C10orf143: variants seen among roughly 807,000 people sequenced by gnomAD.
The protein encoded by C10orf143 is uncharacterized protein C10orf143.
At chr10:130,042,665 T>C (rs1281330232) in intron 3 of C10orf143, among the ~76,000 whole-genome samples, 1 of 152,178 alleles carries the variant, frequency 6.6e-6, no homozygotes, top group African/African-American at 2.4e-5. Flanking sequence ...TGGATCCACC[T>C]CTCCGTCCTT....
At chr10:130,081,253 C>G (rs1224443053) in intron 1 of C10orf143, among the ~76,000 whole-genome samples, 1 of 151,678 alleles carries the variant, frequency 6.6e-6, no homozygotes, top group Non-Finnish European at 1.5e-5. Context: ...ATGCTAAAAG[C>G]CACAGTTCAC....
chr10:130,050,761 T>C (rs958360327), intron 3 of C10orf143, among the ~76,000 whole-genome samples: 1 of 152,226 alleles, frequency 6.6e-6, no homozygotes. Context: ...GAGATTGTTT[T>C]GAATATAAAG....
intron 3 of C10orf143, among the ~76,000 whole-genome samples, chr10:130,053,143 C>T (rs191948983): frequency 1.0e-3 from 157 of 152,326 alleles, no homozygotes; most frequent in Non-Finnish European, 1.5e-3. Context: ...TCACTGCAAC[C>T]TCCGACTCCA....
At chr10:130,081,520 C>G (rs935010975) in intron 1 of C10orf143, among the ~76,000 whole-genome samples, 3 of 152,072 alleles carry the variant, frequency 2.0e-5, no homozygotes, top group Non-Finnish European at 4.4e-5. Flanking sequence ...ATAGAGTATA[C>G]ACATTCCTCT....
At chr10:130,047,239 C>T (rs1353051659) in intron 3 of C10orf143, among the ~76,000 whole-genome samples, 1 of 152,168 alleles carries the variant, frequency 6.6e-6, no homozygotes, top group Non-Finnish European at 1.5e-5. Context: ...TGGTGTGGAC[C>T]CCATGGGGTT....
At chr10:130,039,076 G>A (rs1293651332) in intron 3 of C10orf143, among the ~76,000 whole-genome samples, 4 of 152,192 alleles carry the variant, frequency 2.6e-5, no homozygotes, top group African/African-American at 9.6e-5. Context: ...TGGTCCCCCA[G>A]CAGCTGGGAA....
intron 3 of C10orf143, among the ~76,000 whole-genome samples, chr10:130,052,778 C>T (rs1333398433): frequency 6.6e-6 from 1 of 152,228 alleles, no homozygotes; most frequent in African/African-American, 2.4e-5. Flanking sequence ...TCATGGTCCT[C>T]TCAGTACCCT....
chr10:130,081,155 T>C (rs1265491443), intron 1 of C10orf143, among the ~76,000 whole-genome samples: 6 of 151,832 alleles, frequency 4.0e-5, no homozygotes. Flanking sequence ...CAAGGTATAA[T>C]AGAGAAATAA....
chr10:130,044,988 C>T (rs748618492), intron 3 of C10orf143, among the ~76,000 whole-genome samples: 7 of 152,208 alleles, frequency 4.6e-5, no homozygotes, highest in Non-Finnish European at 1.0e-4. Flanking sequence ...TGGCATGTGG[C>T]TGATGCTCCA....
At chr10:130,035,934 C>T (rs1325174) in exon 4 of C10orf143, 107,729 of 152,148 alleles carry the variant, frequency 0.71, 38,432 homozygotes, top group Middle Eastern at 0.83. Flanking sequence ...CCTCCTTTCC[C>T]GGCTTGCCAA....
downstream of C10orf143, among the ~76,000 whole-genome samples, chr10:130,059,936 T>G (rs1860836175): frequency 6.6e-6 from 1 of 152,156 alleles, no homozygotes; most frequent in African/African-American, 2.4e-5. Flanking sequence ...AAATTGTGTG[T>G]TAGGAGTGAC....
intron 3 of C10orf143, among the ~76,000 whole-genome samples, chr10:130,048,489 C>T (rs1302475904): frequency 6.6e-6 from 1 of 152,144 alleles, no homozygotes. Context: ...GCTGGGACAC[C>T]AGGGTCCCTG....
At chr10:130,060,537 T>C (rs1013702068), downstream of C10orf143, among the ~76,000 whole-genome samples, 1 of 152,202 alleles carries the variant, frequency 6.6e-6, no homozygotes, top group Non-Finnish European at 1.5e-5. Flanking sequence ...TTAAAAAGTA[T>C]GTGCAGCCGG....
At chr10:130,105,821 C>A (rs948468998) in intron 1 of C10orf143, among the ~76,000 whole-genome samples, 1 of 152,184 alleles carries the variant, frequency 6.6e-6, no homozygotes, top group Non-Finnish European at 1.5e-5. Context: ...GGGGCTTGCG[C>A]GGGTCCAACA....
At chr10:130,105,402 T>A (rs1291616665) in intron 1 of C10orf143, among the ~76,000 whole-genome samples, 1 of 152,160 alleles carries the variant, frequency 6.6e-6, no homozygotes, top group East Asian at 1.9e-4. Context: ...CTCCTTTGTA[T>A]CATGGGAATA....
intron 1 of C10orf143, among the ~76,000 whole-genome samples, chr10:130,099,029 A>C (rs1861505315): frequency 6.6e-6 from 1 of 151,316 alleles, no homozygotes; most frequent in African/African-American, 2.4e-5. Flanking sequence ...CGGAGGTTGC[A>C]GTGAGCCAAG....
intron 3 of C10orf143, among the ~76,000 whole-genome samples, chr10:130,057,225 A>G (rs984853343): frequency 6.6e-6 from 1 of 152,174 alleles, no homozygotes; most frequent in Non-Finnish European, 1.5e-5. Context: ...TAAGATATAC[A>G]TGGCATAAAA....
intron 1 of C10orf143, chr10:130,106,995 C>G (rs1351455878): frequency 1.8e-6 from 2 of 1,088,570 alleles, no homozygotes; most frequent in Non-Finnish European, 1.4e-6. Context: ...CTGATTCATG[C>G]TACTAAGTTA....
At chr10:130,060,146 C>G (rs1860838348), downstream of C10orf143, among the ~76,000 whole-genome samples, 1 of 152,038 alleles carries the variant, frequency 6.6e-6, no homozygotes, top group Non-Finnish European at 1.5e-5. Flanking sequence ...GTTTGTCCTG[C>G]CTACTTTTGT....
Sources: allele counts gnomAD v4.1 joint callset (sites outside exome capture counted in the v4.1 genomes callset), GRCh38; gene constraint gnomAD v4.1.1; transcripts MANE v1.5; gene names NCBI Gene and HGNC (gene_info 2026-07-23, HGNC 2026-07-21).